PLEKHM3: variants seen among roughly 807,000 people sequenced by gnomAD.
The protein encoded by PLEKHM3 is pleckstrin homology domain containing M3, also known as pleckstrin homology domain-containing family M member 3.
PLEKHM3 carries 45 observed loss-of-function variants against 81.8 expected under a neutral mutation model. The observed-to-expected ratio is 0.55, with a 90% CI of 0.43 to 0.71. The LOEUF is 0.71. Among genes scored for constraint, PLEKHM3 ranks in the 30% least tolerant of loss-of-function variants. The probability of loss-of-function intolerance (pLI) is 0.00; values close to 1 mark genes in which losing one functional copy is unlikely to be tolerated. For synonymous variants in PLEKHM3, 352 were observed against 356.4 expected (o/e 0.99, Z 0.14); for missense variants, 788 against 924.3 (o/e 0.85, Z 1.91).
chr2:207,904,698 T>C (rs1339425075), intron 6 of PLEKHM3, among the ~76,000 whole-genome samples: 1 of 152,092 alleles, frequency 6.6e-6, no homozygotes, highest in African/African-American at 2.4e-5. Context: ...CACATCTAAA[T>C]GTAAGGGAAA....
intron 1 of PLEKHM3, among the ~76,000 whole-genome samples, chr2:208,021,194 G>A (rs1041436943): frequency 1.3e-5 from 2 of 152,112 alleles, no homozygotes; most frequent in African/African-American, 4.8e-5. Context: ...AACCAGCTTG[G>A]TTTTCCTAAT....
intron 3 of PLEKHM3, among the ~76,000 whole-genome samples, chr2:207,948,349 CTTTTTTTTTTTT>C (rs752976462): frequency 2.5e-5 from 2 of 81,066 alleles, no homozygotes; most frequent in African/African-American, 1.1e-4. Flanking sequence ...CTCCTCAGAT[CTTTTTTTTTTTT>C]TTTTTTTTTT....
intron 1 of PLEKHM3, among the ~76,000 whole-genome samples, chr2:208,016,798 A>G (rs1458155163): frequency 6.6e-6 from 1 of 152,006 alleles, no homozygotes; most frequent in Non-Finnish European, 1.5e-5. Context: ...GAATTAGCCA[A>G]TCCGGGTCTC....
intron 6 of PLEKHM3, chr2:207,900,118 G>A (rs1034336828): frequency 6.6e-6 from 1 of 152,218 alleles, no homozygotes; most frequent in African/African-American, 2.4e-5. Context: ...ACACTGTGGA[G>A]ATGGTTTGTT....
chr2:207,856,224 CCCA>C (rs558738866), intron 7 of PLEKHM3, among the ~76,000 whole-genome samples: 112 of 152,020 alleles, frequency 7.4e-4, no homozygotes, highest in Middle Eastern at 3.4e-3. Flanking sequence ...CATATTCCAC[CCCA>C]CCACCACCTG....
At chr2:207,969,287 C>T (rs183003403) in intron 3 of PLEKHM3, among the ~76,000 whole-genome samples, 15 of 152,312 alleles carry the variant, frequency 9.8e-5, no homozygotes, top group African/African-American at 3.4e-4. Context: ...TTCGATTTCC[C>T]TTTTTCTTAA....
At position 207,826,718 on chromosome 2, in the gene PLEKHM3, G is replaced by C. The variant is rs1010087281; in HGVS notation, c.*1601C>G. ...CGGCGTGTGGGGGAAAGGAGCAATGGGGTTGAATGTACCAAGTATGTTGTG... is the reference window on the plus strand; with the variant it reads ...CGGCGTGTGGGGGAAAGGAGCAATGCGGTTGAATGTACCAAGTATGTTGTG... On this transcript the variant is annotated 3_prime_UTR_variant, in exon 8 of 8. Transcript: ENST00000427836. 2 of 152,150 alleles carry C rather than the reference G, an allele frequency of 1.3e-5. No homozygotes were observed. Among genetic ancestry groups the C allele is most frequent in the African/African-American group, 4.8e-5 (2 of 41,428 alleles). The allele number at this position is 152,150 out of a possible 1,614,324, so 9.4% of individuals were successfully genotyped here. A position where few individuals can be genotyped will look rare whatever the true frequency, so the allele number is the denominator to read the frequency against.
intron 2 of PLEKHM3, among the ~76,000 whole-genome samples, chr2:207,978,171 C>T (rs1024353330): frequency 4.9e-5 from 6 of 123,560 alleles, no homozygotes; most frequent in South Asian, 2.3e-4. Context: ...GCAACATCAA[C>T]GGAGCGTGCA....
intron 6 of PLEKHM3, among the ~76,000 whole-genome samples, chr2:207,889,434 AAC>A (rs35082335): frequency 0.043 from 5,487 of 129,054 alleles, 144 homozygotes; most frequent in African/African-American, 0.074. Flanking sequence ...GGTTTTTTTC[AAC>A]ACACACACAC....
intron 7 of PLEKHM3, among the ~76,000 whole-genome samples, chr2:207,858,204 C>T (rs2092447608): frequency 7.1e-6 from 1 of 139,914 alleles, no homozygotes; most frequent in Non-Finnish European, 1.5e-5. Flanking sequence ...GATGAAGTCT[C>T]ACTCTGTTGC....
At chr2:207,908,400 G>T (rs923322476) in intron 6 of PLEKHM3, 114 bp downstream of exon 6, 5 of 941,512 alleles carry the variant, frequency 5.3e-6, no homozygotes, top group African/African-American at 5.1e-5. Flanking sequence ...GAATTATCAG[G>T]GTTTCTGATG....
chr2:207,850,321 A>T (rs2092405844), intron 7 of PLEKHM3, among the ~76,000 whole-genome samples: 1 of 152,220 alleles, frequency 6.6e-6, no homozygotes, highest in African/African-American at 2.4e-5. Flanking sequence ...TTTTCAGTAG[A>T]ATCTTCTCAT....
At chr2:207,995,540 A>T (rs1414703020) in intron 2 of PLEKHM3, among the ~76,000 whole-genome samples, 1 of 152,082 alleles carries the variant, frequency 6.6e-6, no homozygotes, top group Admixed American at 6.6e-5. Flanking sequence ...CCTAGATTCA[A>T]ATTGAGGCTC....
intron 7 of PLEKHM3, among the ~76,000 whole-genome samples, chr2:207,832,555 G>C (rs956954285): frequency 6.6e-6 from 1 of 152,152 alleles, no homozygotes; most frequent in African/African-American, 2.4e-5. Flanking sequence ...ACTTTGGGAG[G>C]CTGAGGCAGG....
intron 7 of PLEKHM3, 97 bp downstream of exon 7, chr2:207,861,008 G>C: frequency 7.3e-7 from 1 of 1,365,762 alleles, no homozygotes; most frequent in Non-Finnish European, 1.0e-6. Flanking sequence ...GTAAGAGACA[G>C]AGATACACTA....
At chr2:207,904,991 A>C (rs1574391240) in intron 6 of PLEKHM3, among the ~76,000 whole-genome samples, 1 of 152,140 alleles carries the variant, frequency 6.6e-6, no homozygotes, top group African/African-American at 2.4e-5. Flanking sequence ...ATCTCCTTTC[A>C]CCATGTTTAT....
At chr2:207,909,715 C>G (rs2105903179) in intron 5 of PLEKHM3, among the ~76,000 whole-genome samples, 1 of 152,262 alleles carries the variant, frequency 6.6e-6, no homozygotes, top group South Asian at 2.1e-4. Flanking sequence ...GGGTATATGC[C>G]TGGGTAGAGC....
At chr2:207,879,528 C>A (rs72964870) in intron 6 of PLEKHM3, among the ~76,000 whole-genome samples, 1 of 152,338 alleles carries the variant, frequency 6.6e-6, no homozygotes, top group Non-Finnish European at 1.5e-5. Context: ...AGCTCTGGAT[C>A]CAAACATTTA....
intron 3 of PLEKHM3, among the ~76,000 whole-genome samples, chr2:207,958,901 G>A (rs1690630647): frequency 6.6e-6 from 1 of 151,902 alleles, no homozygotes; most frequent in Non-Finnish European, 1.5e-5. Flanking sequence ...CAGAGTGAGT[G>A]AGACTCCATC....
Sources: gnomAD v4.1 joint callset for allele counts (sites outside exome capture counted in the v4.1 genomes callset) on GRCh38, gnomAD v4.1.1 for gene constraint, MANE v1.5 for transcripts, NCBI Gene and HGNC (gene_info 2026-07-23, HGNC 2026-07-21) for gene names.